Variants in STAB2 observed in about 807,000 individuals in gnomAD.
The protein encoded by STAB2 is stabilin 2.
Under a neutral mutation model 338.1 loss-of-function variants are expected in STAB2, and 288 were observed. The observed-to-expected ratio is 0.85, with a 90% confidence interval of 0.77 to 0.94. The LOEUF is 0.94. Among genes scored for constraint, STAB2 ranks in the 40% least tolerant of loss-of-function variants. The pLI is 0.00. For synonymous variants in STAB2, 1,202 were observed against 1,193.3 expected (o/e 1.01, Z -0.15); for missense variants, 3,141 against 3,210.1 (o/e 0.98, Z 0.52).
chr12:103,742,513 G>A lies in STAB2; in HGVS notation c.5990G>A (p.Cys1997Tyr), dbSNP rs781380602. The change falls in exon 56 of 69, where the codon TGT becomes TAT. Residue 1997 changes from cysteine to tyrosine, a missense_variant. Transcript: ENST00000388887. ...KCNTGFNGTA[C>Y]EMCWPGRFGP... ...AACACCGGCTTCAATGGGACGGCGT[G>A]TGAGATGTGCTGGCCGGGGAGATTC... 2 of 1,614,126 alleles carry A rather than the reference G, an allele frequency of 1.2e-6. No homozygotes were observed. The highest frequency in any genetic ancestry group is 2.2e-5 in the South Asian group (2 of 91,072).
At chr12:103,639,691 T>A (rs1000300481) in intron 8 of STAB2, among the ~76,000 whole-genome samples, 3 of 113,364 alleles carry the variant, frequency 2.6e-5, no homozygotes, top group African/African-American at 1.0e-4. Flanking sequence ...GCAACCAGAG[T>A]AAGACCCTGT....
chr12:103,678,524 ATCTGCCCTAT>A (rs1876596652), intron 25 of STAB2, among the ~76,000 whole-genome samples: 1 of 151,972 alleles, frequency 6.6e-6, no homozygotes, highest in Admixed American at 6.6e-5. Flanking sequence ...ACAAATGGAG[ATCTGCCCTAT>A]TTTATTTTTT....
At chr12:103,670,658 G>A (rs1208294679) in intron 21 of STAB2, 38 bp from the exon 22 acceptor site, 1 of 1,507,134 alleles carries the variant, frequency 6.6e-7, no homozygotes, top group Non-Finnish European at 9.2e-7. Context: ...TGAGAACTAT[G>A]TGTCCTAATG....
chr12:103,644,813 GGTT>G (rs561127392), intron 9 of STAB2, among the ~76,000 whole-genome samples: 161 of 152,262 alleles, frequency 1.1e-3, no homozygotes, highest in Non-Finnish European at 1.6e-3. Flanking sequence ...AGTATAATTG[GGTT>G]GTTTGTAGCA....
At position 103,668,734 on chromosome 12, in the gene STAB2, G is replaced by A. The variant is rs1565998199; in HGVS notation, c.2172+5G>A. The A allele has an allele frequency of 6.5e-7, 1 of 1,540,280 alleles. No homozygotes were observed. The highest frequency in any genetic ancestry group is 8.8e-7 in the Non-Finnish European group (1 of 1,139,368). On this transcript the variant is annotated splice_donor_5th_base_variant and intron_variant, in intron 20 of 68. Coordinates refer to ENST00000388887, the MANE Select transcript of STAB2 (RefSeq NM_017564.10). ...TACTGCAATGCCACTGTGAAGGTGA[G>A]GAGCGCGTGGCCGAGGCCCAGTCTA...
intron 28 of STAB2, among the ~76,000 whole-genome samples, chr12:103,688,709 C>G (rs755349830): frequency 7.9e-5 from 12 of 152,178 alleles, no homozygotes; most frequent in Non-Finnish European, 1.3e-4. Flanking sequence ...AGGACAGCTT[C>G]CTGTTGCTTC....
chr12:103,641,568 C>T (rs1565979538), intron 9 of STAB2, among the ~76,000 whole-genome samples: 2 of 152,248 alleles, frequency 1.3e-5, no homozygotes, highest in South Asian at 4.2e-4. Flanking sequence ...CCAGGCACAC[C>T]CTCCCCTCAA....
intron 33 of STAB2, among the ~76,000 whole-genome samples, chr12:103,697,052 G>A (rs1157592547): frequency 1.3e-5 from 2 of 152,150 alleles, no homozygotes; most frequent in Non-Finnish European, 2.9e-5. Flanking sequence ...AAATAAGGAA[G>A]GCTGCTCTTC....
At chr12:103,598,906 G>A (rs1307422756) in intron 3 of STAB2, among the ~76,000 whole-genome samples, 1 of 152,194 alleles carries the variant, frequency 6.6e-6, no homozygotes, top group East Asian at 1.9e-4. Context: ...ACAGACTAAT[G>A]AGGGAAATTG....
chr12:103,606,290 A>G (rs1449056647), intron 3 of STAB2, among the ~76,000 whole-genome samples: 1 of 152,168 alleles, frequency 6.6e-6, no homozygotes, highest in Non-Finnish European at 1.5e-5. Flanking sequence ...CCTTGGTGCT[A>G]TTATTGTTAT....
At chr12:103,641,999 T>G (rs1186721526) in intron 9 of STAB2, among the ~76,000 whole-genome samples, 1 of 152,224 alleles carries the variant, frequency 6.6e-6, no homozygotes, top group East Asian at 1.9e-4. Flanking sequence ...AAAATCAGAC[T>G]GCATTTGTCA....
At chr12:103,688,281 A>G (rs564520710) in intron 28 of STAB2, 66 bp downstream of exon 28, 4 of 1,513,200 alleles carry the variant, frequency 2.6e-6, no homozygotes, top group Admixed American at 3.3e-5. Flanking sequence ...AATGCATACA[A>G]TAGAAAACCG....
intron 27 of STAB2, among the ~76,000 whole-genome samples, chr12:103,687,214 T>G (rs1218117763): frequency 6.6e-6 from 1 of 152,192 alleles, no homozygotes; most frequent in Non-Finnish European, 1.5e-5. Flanking sequence ...ATATTCATTT[T>G]CAGATAAAGC....
In STAB2 at chr12:103,636,026, G is replaced by T. The variant is rs531963536; in HGVS notation, c.584-1085G>T. Among the ~76,000 whole-genome samples the T allele has an allele frequency of 5.9e-5, 9 of 152,158 alleles. No individual in the cohort carries two copies. In the South Asian group the frequency reaches 1.9e-3, roughly 32 times the overall value. ...TACAGTAGTTGCTCTTTATAGACCT[G>T]CTATTTCTTTATTCTTTTTTTAATT... On this transcript the variant is annotated intron_variant, in intron 6 of 68. Transcript: ENST00000388887.
At chr12:103,701,513 A>C (rs1341630561) in intron 34 of STAB2, among the ~76,000 whole-genome samples, 2 of 152,252 alleles carry the variant, frequency 1.3e-5, no homozygotes, top group African/African-American at 4.8e-5. Flanking sequence ...CTAAATGAGT[A>C]GACACAGTCA....
At chr12:103,613,409 G>T (rs1357774866) in intron 3 of STAB2, among the ~76,000 whole-genome samples, 1 of 152,152 alleles carries the variant, frequency 6.6e-6, no homozygotes, top group Non-Finnish European at 1.5e-5. Context: ...CCCCAGCCTC[G>T]CTGCCGCCTT....
At chr12:103,728,333 C>T (rs1459713151) in intron 47 of STAB2, among the ~76,000 whole-genome samples, 2 of 151,756 alleles carry the variant, frequency 1.3e-5, no homozygotes, top group East Asian at 1.9e-4. Context: ...TGGTCTCGAA[C>T]TCCTGGCCTC....
At chr12:103,638,648 T>A (rs77757288) in intron 8 of STAB2, among the ~76,000 whole-genome samples, 1 of 152,320 alleles carries the variant, frequency 6.6e-6, no homozygotes, top group East Asian at 1.9e-4. Flanking sequence ...CAGGCAGCAC[T>A]GATAGATTAT....
rs111618808 is a variant in STAB2, at chr12:103,692,914, G to A, written c.3375+25G>A. The A allele has an allele frequency of 3.4e-3, 5,331 of 1,588,232 alleles. 15 individuals carry two copies. Among genetic ancestry groups the A allele is most frequent in the Non-Finnish European group, 4.0e-3 (4,613 of 1,158,696 alleles). On this transcript the variant is annotated intron_variant, in intron 31 of 68. Transcript: ENST00000388887. ...GGTACAAGATTCCATTCTCCTGTGC[G>A]TGCAGCATCTCTTTTCCCTTTGTTG...
Sources: gnomAD v4.1 joint callset for allele counts (sites outside exome capture counted in the v4.1 genomes callset) on GRCh38, gnomAD v4.1.1 for gene constraint, MANE v1.5 for transcripts, NCBI Gene and HGNC (gene_info 2026-07-23, HGNC 2026-07-21) for gene names.